Variants in DSCAM observed in about 807,000 individuals in gnomAD.
DSCAM encodes DS cell adhesion molecule, also known as cell adhesion molecule DSCAM.
A neutral mutation model predicts 217.7 loss-of-function variants in DSCAM; 47 were observed. The observed-to-expected ratio is 0.22, with a 90% CI of 0.17 to 0.28. The LOEUF (loss-of-function observed/expected upper bound fraction) is 0.28, where lower values mean the gene tolerates loss of function less well. Ranked by LOEUF, DSCAM falls within the 10% of genes least tolerant of loss-of-function variation. The probability of loss-of-function intolerance (pLI) is 1.00; values close to 1 mark genes in which losing one functional copy is unlikely to be tolerated. For synonymous variants in DSCAM, 1,056 were observed against 1,015.3 expected, an observed-to-expected ratio of 1.04 and a Z score of -0.76; for missense variants, 2,080 against 2,618.3, an observed-to-expected ratio of 0.79 and a Z score of 4.49.
intron 1 of DSCAM, among the ~76,000 whole-genome samples, chr21:40,836,329 A>G (rs147698199): frequency 6.6e-6 from 1 of 152,222 alleles, no homozygotes; most frequent in Non-Finnish European, 1.5e-5. Context: ...TATAAACCTG[A>G]ATATCAAATA....
intron 8 of DSCAM, among the ~76,000 whole-genome samples, chr21:40,318,931 C>T (rs2123513526): frequency 6.6e-6 from 1 of 152,224 alleles, no homozygotes; most frequent in Non-Finnish European, 1.5e-5. Context: ...TTGGCCCTGC[C>T]TTCTGGGTGG....
intron 3 of DSCAM, among the ~76,000 whole-genome samples, chr21:40,464,521 A>G (rs76384759): frequency 0.076 from 11,609 of 152,194 alleles, 878 homozygotes; most frequent in African/African-American, 0.18. Context: ...CATTCTATCT[A>G]CAAGCACTGT....
chr21:40,166,365 T>G (rs1001746883), intron 16 of DSCAM, among the ~76,000 whole-genome samples: 5 of 152,142 alleles, frequency 3.3e-5, no homozygotes, highest in Admixed American at 1.3e-4. Flanking sequence ...TTACAGAACT[T>G]TTGATTCGAT....
At chr21:40,710,655 A>G (rs1850879535) in intron 1 of DSCAM, among the ~76,000 whole-genome samples, 1 of 152,170 alleles carries the variant, frequency 6.6e-6, no homozygotes, top group Non-Finnish European at 1.5e-5. Flanking sequence ...TAATTCATTT[A>G]AGGGCCTATA....
intron 3 of DSCAM, among the ~76,000 whole-genome samples, chr21:40,501,908 T>C (rs1440848163): frequency 6.6e-6 from 1 of 152,210 alleles, no homozygotes; most frequent in Non-Finnish European, 1.5e-5. Flanking sequence ...ATTATTAATG[T>C]TCTTTCCGGC....
intron 3 of DSCAM, among the ~76,000 whole-genome samples, chr21:40,655,229 T>A (rs1340408966): frequency 1.3e-5 from 2 of 152,204 alleles, no homozygotes; most frequent in African/African-American, 2.4e-5. Flanking sequence ...TTAGTCCACA[T>A]GTGCTGCTAT....
chr21:40,515,270 T>C (rs1421283064), intron 3 of DSCAM, among the ~76,000 whole-genome samples: 2 of 152,174 alleles, frequency 1.3e-5, no homozygotes, highest in Non-Finnish European at 2.9e-5. Flanking sequence ...AACTTATTGT[T>C]TTGAAAAAAA....
At chr21:40,489,435 G>A (rs756614625) in intron 3 of DSCAM, among the ~76,000 whole-genome samples, 5 of 152,122 alleles carry the variant, frequency 3.3e-5, no homozygotes, top group Admixed American at 6.5e-5. Flanking sequence ...GGATTTATCA[G>A]CCTCCGTAAT....
At position 40,369,080 on chromosome 21, in the gene DSCAM, A is replaced by G; in HGVS notation, c.655+19T>C. ...AAGAAATAGCAGACATAGCAGACAG[A>G]GTCTTGATAAGTTTTTACCTGATAC... On this transcript the variant is annotated intron_variant, in intron 4 of 32. Coordinates refer to ENST00000400454, the MANE Select transcript of DSCAM (RefSeq NM_001389.5). 6.3e-7 allele frequency: 1 copy of G among 1,590,900 alleles called. No individual in the cohort carries two copies. The highest frequency in any genetic ancestry group is 1.2e-5 in the South Asian group (1 of 85,794).
intron 11 of DSCAM, among the ~76,000 whole-genome samples, chr21:40,265,939 A>G (rs766877747): frequency 2.6e-5 from 4 of 152,200 alleles, no homozygotes; most frequent in Non-Finnish European, 4.4e-5. Context: ...TCTTTTGGAC[A>G]TTGGCCTGGG....
intron 3 of DSCAM, among the ~76,000 whole-genome samples, chr21:40,528,353 A>G (rs1481665157): frequency 6.6e-6 from 1 of 152,140 alleles, no homozygotes; most frequent in Admixed American, 6.6e-5. Flanking sequence ...TTCTCATAAT[A>G]TACTATATTA....
rs569932951 is a variant in DSCAM, at chr21:40,225,281, C to A, written c.2357-36043G>T. Among the ~76,000 whole-genome samples the A allele has an allele frequency of 7.2e-5, 11 of 152,252 alleles. 2 individuals are homozygous for A. The South Asian group carries it at 2.3e-3, about 32-fold the overall frequency. On this transcript the variant is annotated intron_variant, in intron 11 of 32. Transcript: ENST00000400454. ...TACAAGACCTGCCCCAACCACTTGA[C>A]CTTGACCATCATTTCACGGCTGCAC...
At chr21:40,192,334 G>C (rs1452309898) in intron 11 of DSCAM, among the ~76,000 whole-genome samples, 1 of 152,102 alleles carries the variant, frequency 6.6e-6, no homozygotes, top group Admixed American at 6.6e-5. Context: ...GGAGAGGCCT[G>C]GTGGGAGATA....
chr21:40,299,443 G>T (rs2073990466), intron 9 of DSCAM, among the ~76,000 whole-genome samples: 1 of 152,114 alleles, frequency 6.6e-6, no homozygotes, highest in South Asian at 2.1e-4. Context: ...CTTACATCAA[G>T]AAGACCTGAG....
At chr21:40,828,032 C>T (rs577072892) in intron 1 of DSCAM, among the ~76,000 whole-genome samples, 8 of 152,176 alleles carry the variant, frequency 5.3e-5, no homozygotes, top group African/African-American at 1.7e-4. Context: ...GTACGTTTTA[C>T]AGTGGTAGGG....
At chr21:40,072,415 C>T (rs150485704) in intron 27 of DSCAM, among the ~76,000 whole-genome samples, 6,179 of 150,756 alleles carry the variant, frequency 0.041, 358 homozygotes, top group African/African-American at 0.12. Context: ...GGCGGGATCT[C>T]GGCTCACTGC....
At chr21:40,493,423 G>C (rs561164920) in intron 3 of DSCAM, among the ~76,000 whole-genome samples, 1 of 152,218 alleles carries the variant, frequency 6.6e-6, no homozygotes, top group South Asian at 2.1e-4. Context: ...GTCAAATTAA[G>C]TATACTCTAA....
intron 1 of DSCAM, among the ~76,000 whole-genome samples, chr21:40,819,998 T>C (rs901092844): frequency 1.3e-5 from 2 of 152,006 alleles, no homozygotes; most frequent in South Asian, 4.1e-4. Context: ...AGAAAAATAA[T>C]GTGTGTAGGG....
intron 1 of DSCAM, among the ~76,000 whole-genome samples, chr21:40,727,215 C>A (rs2090964694): frequency 6.6e-6 from 1 of 152,180 alleles, no homozygotes; most frequent in Non-Finnish European, 1.5e-5. Context: ...TTAGGAGTCT[C>A]AAACACGCAA....
Sources: allele counts gnomAD v4.1 joint callset (sites outside exome capture counted in the v4.1 genomes callset), GRCh38; gene constraint gnomAD v4.1.1; transcripts MANE v1.5; gene names NCBI Gene and HGNC (gene_info 2026-07-23, HGNC 2026-07-21).